The following ANO3 variants were observed in gnomAD, a reference collection of about 807,000 sequenced individuals.
ANO3 encodes the protein anoctamin-3.
A neutral mutation model predicts 144.8 loss-of-function variants in ANO3; 99 were observed. That is an observed-to-expected ratio of 0.68 (90% CI 0.58 to 0.81). The LOEUF is 0.81. Ranked by LOEUF, ANO3 falls within the 30% of genes least tolerant of loss-of-function variation. The pLI is 0.00. For synonymous variants in ANO3, 414 were observed against 392.6 expected, an observed-to-expected ratio of 1.05 and a Z score of -0.64; for missense variants, 905 against 1,202.2, an observed-to-expected ratio of 0.75 and a Z score of 3.66.
At chr11:26,552,034 C>G (rs1210736722) in intron 12 of ANO3, among the ~76,000 whole-genome samples, 2 of 152,008 alleles carry the variant, frequency 1.3e-5, no homozygotes, top group Non-Finnish European at 2.9e-5. Context: ...GATCTACAAT[C>G]AGAAAACCTA....
chr11:26,562,720 G>C (rs188500185), intron 14 of ANO3, among the ~76,000 whole-genome samples: 9 of 151,840 alleles, frequency 5.9e-5, no homozygotes, highest in African/African-American at 2.2e-4. Context: ...CTCCAAATTA[G>C]AATCAATCTT....
chr11:26,265,576 C>T (rs1294874664), intron 1 of ANO3, among the ~76,000 whole-genome samples: 1 of 152,012 alleles, frequency 6.6e-6, no homozygotes, highest in East Asian at 1.9e-4. Context: ...TGAAATAACC[C>T]CATAAGAAAT....
At chr11:26,605,805 G>C (rs1851919088) in intron 17 of ANO3, among the ~76,000 whole-genome samples, 1 of 151,270 alleles carries the variant, frequency 6.6e-6, no homozygotes, top group Non-Finnish European at 1.5e-5. Context: ...ATTTTTTATT[G>C]TGTCTATTTG....
rs866863472 is a variant in ANO3, at chr11:26,534,522, G to A, written c.936G>A (p.Met312Ile). 2 of 1,612,772 alleles carry A rather than the reference G, an allele frequency of 1.2e-6. No individual in the cohort carries two copies. The highest frequency in any genetic ancestry group is 1.7e-6 in the Non-Finnish European group (2 of 1,179,262). The part of the protein sequence containing the change: ...NATRSRIVYH[M>I]LERTKYENGI... ...CTCGAAGCAGAATAGTCTATCACAT[G>A]CTGGAACGCACCAAATATGAAAATG... is the stretch of plus-strand genomic sequence containing the variant. Residue 312 changes from methionine (M) to isoleucine (I), a missense_variant, in exon 9 of 27, where the codon ATG becomes ATA. Met to Ile is a conservative substitution (Grantham distance 10, BLOSUM62 1). Coordinates refer to ENST00000256737, the MANE Select transcript of ANO3 (RefSeq NM_031418.4).
At chr11:26,205,630 G>A (rs549678810) in intron 1 of ANO3, among the ~76,000 whole-genome samples, 72 of 152,232 alleles carry the variant, frequency 4.7e-4, no homozygotes, top group South Asian at 2.7e-3. Context: ...AGGTTCCTCC[G>A]AAAACCTGGG....
chr11:26,429,333 A>G (rs1361764727), intron 1 of ANO3, among the ~76,000 whole-genome samples: 1 of 152,142 alleles, frequency 6.6e-6, no homozygotes, highest in African/African-American at 2.4e-5. Flanking sequence ...ATCAAGGGAT[A>G]TCACTTAAGC....
intron 14 of ANO3, among the ~76,000 whole-genome samples, chr11:26,587,668 AG>A (rs1417996370): frequency 6.6e-5 from 10 of 152,150 alleles, no homozygotes; most frequent in African/African-American, 2.4e-4. Flanking sequence ...AGAGTTAAAA[AG>A]GTTGGGGCCA....
Position 26,462,963 on chromosome 11 carries a change from T to C in ANO3, c.314-67T>C, listed in dbSNP as rs147953538. 6.6e-4 allele frequency: 478 copies of C among 721,142 alleles called. 1 individual carries two copies. The African/African-American group carries it at 7.4e-3, about 11-fold the overall frequency. 44.7% of individuals were successfully genotyped at this position (721,142 alleles called of 1,614,324 possible). A position where few individuals can be genotyped will look rare whatever the true frequency, so the allele number is the denominator to read the frequency against. ...TGGGAAAACATGAAAGAGGAGAGAT[T>C]AGTATGTTTAATGAAAAAAGAGAAA... On this transcript the variant is annotated intron_variant, in intron 3 of 26. Coordinates refer to ENST00000256737, the MANE Select transcript of ANO3 (RefSeq NM_031418.4).
intron 4 of ANO3, among the ~76,000 whole-genome samples, chr11:26,480,854 A>G (rs1010173401): frequency 1.3e-5 from 2 of 151,048 alleles, no homozygotes; most frequent in Admixed American, 6.7e-5. Flanking sequence ...AATTGAGCAA[A>G]TAAGTTGCCA....
At position 26,463,202 on chromosome 11, in the gene ANO3, CT is replaced by C. The variant is rs1356069802; in HGVS notation, c.432+56del. On this transcript the variant is annotated intron_variant, in intron 4 of 26. Coordinates refer to ENST00000256737, the MANE Select transcript of ANO3 (RefSeq NM_031418.4). ...ATTTTTAGAGCATCATTTTTAAAAC[CT>C]TACAATATTCATCTACATATTTGGT... The C allele has an allele frequency of 3.4e-5, 31 of 909,760 alleles. 1 individual carries two copies. In the Admixed American group the frequency reaches 6.3e-4, roughly 19 times the overall value. 56.4% of individuals were successfully genotyped at this position (909,760 alleles called of 1,614,324 possible).
intron 11 of ANO3, among the ~76,000 whole-genome samples, chr11:26,544,253 T>TAG (rs1849722083): frequency 2.4e-5 from 1 of 41,730 alleles, no homozygotes; most frequent in African/African-American, 8.7e-5. Flanking sequence ...TCATTATACA[T>TAG]ATATATATAT....
chr11:26,590,178 A>C (rs1437265457), intron 14 of ANO3, among the ~76,000 whole-genome samples: 1 of 152,212 alleles, frequency 6.6e-6, no homozygotes, highest in Non-Finnish European at 1.5e-5. Flanking sequence ...TAGTAGCAAA[A>C]GAAAGAGAAT....
chr11:26,487,694 T>C (rs1860512169), intron 4 of ANO3, among the ~76,000 whole-genome samples: 1 of 152,108 alleles, frequency 6.6e-6, no homozygotes, highest in African/African-American at 2.4e-5. Flanking sequence ...ATGAGGAGTT[T>C]GTTGGGAACT....
chr11:26,520,379 G>T (rs1169508041), intron 6 of ANO3, among the ~76,000 whole-genome samples: 1 of 152,100 alleles, frequency 6.6e-6, no homozygotes, highest in East Asian at 1.9e-4. Flanking sequence ...ATGAAAAAGG[G>T]GGGGAAAACA....
intron 24 of ANO3, among the ~76,000 whole-genome samples, chr11:26,650,414 C>T (rs7117596): frequency 0.21 from 31,903 of 152,034 alleles, 3,536 homozygotes; most frequent in East Asian, 0.33. Context: ...TCCTTCTTAA[C>T]ATGTGGTCTG....
At chr11:26,221,290 A>G (rs1390523994) in intron 1 of ANO3, among the ~76,000 whole-genome samples, 1 of 152,338 alleles carries the variant, frequency 6.6e-6, no homozygotes, top group Non-Finnish European at 1.5e-5. Context: ...ATCTTCACTC[A>G]GTAATTCAGG....
intron 1 of ANO3, among the ~76,000 whole-genome samples, chr11:26,414,427 C>T (rs375479297): frequency 1.3e-4 from 20 of 152,122 alleles, no homozygotes; most frequent in African/African-American, 3.4e-4. Context: ...AGAATGAGAT[C>T]GTGTCCTTTG....
At chr11:26,565,724 T>A in intron 14 of ANO3, 1 of 1,605,980 alleles carries the variant, frequency 6.2e-7, no homozygotes, top group Non-Finnish European at 8.5e-7. Flanking sequence ...AAGAAATAGG[T>A]TTATTTTCCA....
intron 1 of ANO3, among the ~76,000 whole-genome samples, chr11:26,266,418 A>G (rs1171079148): frequency 6.6e-6 from 1 of 151,344 alleles, no homozygotes; most frequent in Non-Finnish European, 1.5e-5. Flanking sequence ...AAGTTAATTC[A>G]AACAACAAAT....
Sources: allele counts gnomAD v4.1 joint callset (sites outside exome capture counted in the v4.1 genomes callset), GRCh38; gene constraint gnomAD v4.1.1; transcripts MANE v1.5; gene names NCBI Gene and HGNC (gene_info 2026-07-23, HGNC 2026-07-21).